Variants in TENM2 observed in about 807,000 individuals in gnomAD.
TENM2 encodes the protein teneurin transmembrane protein 2.
In TENM2, 52 loss-of-function variants were observed where a neutral mutation model predicts 245.2. The observed-to-expected ratio is 0.21, with a 90% CI of 0.17 to 0.27. TENM2 has a LOEUF of 0.27. Ranked by LOEUF, TENM2 falls within the 10% of genes least tolerant of loss-of-function variation. The pLI is 1.00. For synonymous variants in TENM2, 1,363 were observed against 1,438.9 expected (o/e 0.95, Z 1.19); for missense variants, 3,046 against 3,666.8 (o/e 0.83, Z 4.37).
At chr5:167,473,245 G>T (rs1375025993) in intron 2 of TENM2, among the ~76,000 whole-genome samples, 2 of 152,128 alleles carry the variant, frequency 1.3e-5, no homozygotes, top group Non-Finnish European at 2.9e-5. Context: ...TGAATGTCAT[G>T]CCATCCAAAT....
chr5:168,091,119 A>G (rs557922494), intron 8 of TENM2, among the ~76,000 whole-genome samples: 1 of 152,302 alleles, frequency 6.6e-6, no homozygotes, highest in Non-Finnish European at 1.5e-5. Context: ...TCATAGGGCC[A>G]TTGTGGGGAT....
intron 5 of TENM2, among the ~76,000 whole-genome samples, chr5:168,019,823 C>T (rs1785985118): frequency 6.6e-6 from 1 of 152,156 alleles, no homozygotes; most frequent in Non-Finnish European, 1.5e-5. Flanking sequence ...TTAATTGCCA[C>T]TGAATGATGT....
intron 5 of TENM2, among the ~76,000 whole-genome samples, chr5:168,037,103 A>C (rs571700920): frequency 6.6e-6 from 1 of 152,202 alleles, no homozygotes. Context: ...CAGGTTAGCT[A>C]TGTGAAATCC....
At chr5:168,219,413 A>T (rs1291076376) in intron 23 of TENM2, among the ~76,000 whole-genome samples, 1 of 152,226 alleles carries the variant, frequency 6.6e-6, no homozygotes, top group Non-Finnish European at 1.5e-5. Flanking sequence ...GATTGCACAG[A>T]CAGGTAGATA....
chr5:167,162,785 C>T, the TENM2 span, among the ~76,000 whole-genome samples: 1 of 152,134 alleles, frequency 6.6e-6, no homozygotes, highest in Non-Finnish European at 1.5e-5. Context: ...AAGCAGAGTG[C>T]ATTTCAGAAA....
At chr5:168,158,829 G>GTATATATA (rs780328417) in intron 12 of TENM2, among the ~76,000 whole-genome samples, 1 of 63,718 alleles carries the variant, frequency 1.6e-5, no homozygotes, top group African/African-American at 5.8e-5. Flanking sequence ...GTGTGTGTGT[G>GTATATATA]TATATATATA....
intron 2 of TENM2, among the ~76,000 whole-genome samples, chr5:167,752,191 T>C (rs1480985156): frequency 6.6e-6 from 1 of 151,692 alleles, no homozygotes; most frequent in Non-Finnish European, 1.5e-5. Flanking sequence ...ACCTCCTGGG[T>C]TCAAGCAATT....
intron 13 of TENM2, among the ~76,000 whole-genome samples, chr5:168,172,113 G>A (rs1758891895): frequency 6.6e-6 from 1 of 152,242 alleles, no homozygotes; most frequent in Admixed American, 6.5e-5. Flanking sequence ...TGGTGGTGGG[G>A]AGGTGGGGAG....
chr5:167,999,759 C>T (rs947803704), intron 5 of TENM2, among the ~76,000 whole-genome samples: 3 of 152,170 alleles, frequency 2.0e-5, no homozygotes, highest in African/African-American at 7.2e-5. Flanking sequence ...TCAGGATAGT[C>T]GGCCCATGCA....
intron 1 of TENM2, among the ~76,000 whole-genome samples, chr5:167,343,082 T>G (rs1051022496): frequency 2.0e-5 from 3 of 152,202 alleles, no homozygotes; most frequent in African/African-American, 7.2e-5. Flanking sequence ...GTTAATACTA[T>G]TTTATTTACT....
At chr5:167,646,689 G>A (rs1003201422) in intron 2 of TENM2, among the ~76,000 whole-genome samples, 2 of 151,702 alleles carry the variant, frequency 1.3e-5, no homozygotes, top group African/African-American at 4.8e-5. Flanking sequence ...GGGGACATAG[G>A]GAGAATTCCA....
chr5:167,423,590 A>C (rs758664270), intron 2 of TENM2, among the ~76,000 whole-genome samples: 1 of 152,208 alleles, frequency 6.6e-6, no homozygotes, highest in Non-Finnish European at 1.5e-5. Flanking sequence ...GTTATAAAGT[A>C]AATAATTCCC....
At chr5:168,091,875 G>A (rs1792975314) in intron 8 of TENM2, among the ~76,000 whole-genome samples, 1 of 152,098 alleles carries the variant, frequency 6.6e-6, no homozygotes, top group Non-Finnish European at 1.5e-5. Context: ...ATCTTAACTG[G>A]GCAATTCACT....
chr5:167,564,209 A>G (rs1439471899), intron 2 of TENM2, among the ~76,000 whole-genome samples: 1 of 152,234 alleles, frequency 6.6e-6, no homozygotes, highest in African/African-American at 2.4e-5. Context: ...GAGATGATGC[A>G]GTTTGATCAG....
intron 2 of TENM2, among the ~76,000 whole-genome samples, chr5:167,807,124 TAAAAAAAAAAAAAAAAAAAA>T (rs1178739925): frequency 1.4e-4 from 7 of 49,082 alleles, no homozygotes; most frequent in Admixed American, 9.9e-4. Context: ...GCCCCTAGGT[TAAAAAAAAAAAAAAAAAAAA>T]AAAAAAAAAA....
At chr5:167,222,193 G>A in the TENM2 span, among the ~76,000 whole-genome samples, 5 of 152,172 alleles carry the variant, frequency 3.3e-5, no homozygotes, top group Non-Finnish European at 1.5e-5. Flanking sequence ...GTGATAAAAA[G>A]ATCAGGATGA....
At chr5:167,284,378 T>C (rs752596582), upstream of TENM2, among the ~76,000 whole-genome samples, 14 of 152,206 alleles carry the variant, frequency 9.2e-5, no homozygotes, top group Non-Finnish European at 1.6e-4. Flanking sequence ...GTATTTGTTT[T>C]CTACCCAAGC....
intron 2 of TENM2, among the ~76,000 whole-genome samples, chr5:167,777,375 A>G (rs1431300606): frequency 6.6e-6 from 1 of 152,240 alleles, no homozygotes; most frequent in Non-Finnish European, 1.5e-5. Flanking sequence ...ATACTTTCAA[A>G]AGCAAATTAT....
intron 2 of TENM2, among the ~76,000 whole-genome samples, chr5:167,836,828 T>A (rs1408430607): frequency 2.0e-5 from 3 of 152,202 alleles, no homozygotes; most frequent in Admixed American, 6.5e-5. Context: ...GTTTTGTAGT[T>A]ACATAAACTA....
Sources: allele counts gnomAD v4.1 joint callset (sites outside exome capture counted in the v4.1 genomes callset), GRCh38; gene constraint gnomAD v4.1.1; transcripts MANE v1.5; gene names NCBI Gene and HGNC (gene_info 2026-07-23, HGNC 2026-07-21).